Variants in HTT-AS observed in about 807,000 individuals in gnomAD.
HTT-AS encodes HTT antisense RNA (head to head).
chr4:3,047,013 TA>T (rs1352073984), downstream of HTT-AS, among the ~76,000 whole-genome samples: 2 of 152,028 alleles, frequency 1.3e-5, no homozygotes, highest in Non-Finnish European at 2.9e-5. Flanking sequence ...ATATATAGAA[TA>T]AGAATAGTTA....
chr4:3,047,204 G>C (rs900617913), downstream of HTT-AS, among the ~76,000 whole-genome samples: 2 of 152,170 alleles, frequency 1.3e-5, no homozygotes, highest in East Asian at 3.9e-4. Context: ...CCAGCTACTC[G>C]GGAGGCTGAG....
chr4:3,067,730 C>T (rs906971189), intron 1 of HTT-AS, among the ~76,000 whole-genome samples: 1 of 152,140 alleles, frequency 6.6e-6, no homozygotes, highest in African/African-American at 2.4e-5. Context: ...AAATCTTTCA[C>T]CGAGGGGGAT....
At chr4:3,049,059 G>A (rs1172756825), downstream of HTT-AS, among the ~76,000 whole-genome samples, 2 of 152,168 alleles carry the variant, frequency 1.3e-5, no homozygotes, top group East Asian at 3.8e-4. Context: ...TACCCCATAA[G>A]TGCACACAAC....
At chr4:3,057,150 C>T (rs1456820798) in intron 2 of HTT-AS, among the ~76,000 whole-genome samples, 26 of 152,236 alleles carry the variant, frequency 1.7e-4, no homozygotes, top group African/African-American at 5.8e-4. Context: ...ACTCCTGTCT[C>T]AGCCTCCCGA....
intron 1 of HTT-AS, among the ~76,000 whole-genome samples, chr4:3,071,643 A>G (rs1712176214): frequency 6.6e-6 from 1 of 152,154 alleles, no homozygotes; most frequent in South Asian, 2.1e-4. Flanking sequence ...TCCCTCATTC[A>G]GGTTGATGTC....
intron 2 of HTT-AS, among the ~76,000 whole-genome samples, chr4:3,053,280 C>T (rs1226448512): frequency 6.6e-6 from 1 of 152,198 alleles, no homozygotes; most frequent in Non-Finnish European, 1.5e-5. Flanking sequence ...CGCCTATAAT[C>T]CCAACACTTT....
intron 2 of HTT-AS, among the ~76,000 whole-genome samples, chr4:3,060,897 T>A (rs1044340951): frequency 9.2e-5 from 14 of 152,322 alleles, no homozygotes; most frequent in African/African-American, 2.4e-4. Context: ...CAACCAATCT[T>A]TGGGCCCTGT....
intron 1 of HTT-AS, among the ~76,000 whole-genome samples, chr4:3,069,211 T>C (rs1712116078): frequency 6.6e-6 from 1 of 151,556 alleles, no homozygotes; most frequent in African/African-American, 2.4e-5. Context: ...TGTGGTGTGA[T>C]CTTGGCTCAC....
At chr4:3,060,846 G>A (rs1711910331) in intron 2 of HTT-AS, among the ~76,000 whole-genome samples, 1 of 152,170 alleles carries the variant, frequency 6.6e-6, no homozygotes, top group African/African-American at 2.4e-5. Flanking sequence ...AGGGTAGGGT[G>A]GGCAGCTTCT....
intron 2 of HTT-AS, among the ~76,000 whole-genome samples, chr4:3,062,035 T>C (rs918534254): frequency 2.1e-5 from 3 of 145,948 alleles, no homozygotes; most frequent in African/African-American, 7.5e-5. Flanking sequence ...TATGCATCTA[T>C]CTCAGTGAGC....
intron 1 of HTT-AS, among the ~76,000 whole-genome samples, chr4:3,073,781 C>T (rs1423013937): frequency 6.6e-6 from 1 of 152,230 alleles, no homozygotes; most frequent in Non-Finnish European, 1.5e-5. Flanking sequence ...GCATTCTCTG[C>T]GCTCTGCGCA....
At chr4:3,071,982 T>A (rs1712184079) in intron 1 of HTT-AS, among the ~76,000 whole-genome samples, 1 of 152,202 alleles carries the variant, frequency 6.6e-6, no homozygotes, top group African/African-American at 2.4e-5. Context: ...AGTAAACAAA[T>A]ACAGTCATCT....
intron 2 of HTT-AS, among the ~76,000 whole-genome samples, chr4:3,049,918 A>T (rs1476853243): frequency 7.2e-6 from 1 of 138,166 alleles, no homozygotes; most frequent in African/African-American, 3.2e-5. Context: ...ACACACACAC[A>T]CACACACACA....
intron 1 of HTT-AS, among the ~76,000 whole-genome samples, chr4:3,064,624 C>G (rs897653145): frequency 1.3e-5 from 2 of 151,962 alleles, no homozygotes; most frequent in Admixed American, 1.3e-4. Context: ...AAAATAGAAG[C>G]CTAAATAGGA....
chr4:3,061,066 G>T (rs577012144), intron 2 of HTT-AS, among the ~76,000 whole-genome samples: 1 of 152,108 alleles, frequency 6.6e-6, no homozygotes, highest in African/African-American at 2.4e-5. Context: ...ACCCCACTCC[G>T]TGTGTATCTA....
At chr4:3,055,418 A>G (rs1247288427) in intron 2 of HTT-AS, among the ~76,000 whole-genome samples, 3 of 152,190 alleles carry the variant, frequency 2.0e-5, no homozygotes, top group Non-Finnish European at 4.4e-5. Flanking sequence ...TTACTTAGGT[A>G]AAATGTACCC....
intron 2 of HTT-AS, among the ~76,000 whole-genome samples, chr4:3,061,963 C>T (rs1268697484): frequency 1.1e-4 from 14 of 124,032 alleles, no homozygotes; most frequent in African/African-American, 4.4e-4. Flanking sequence ...GCCCGGACGA[C>T]AGGGCAAGAC....
chr4:3,060,582 A>G (rs1211356884), intron 2 of HTT-AS, among the ~76,000 whole-genome samples: 1 of 152,240 alleles, frequency 6.6e-6, no homozygotes, highest in East Asian at 1.9e-4. Context: ...TTTCTTTTCA[A>G]TGAAAAGCAG....
exon 2 of HTT-AS, among the ~76,000 whole-genome samples, chr4:3,062,863 A>C (rs767312246): frequency 6.6e-6 from 1 of 152,210 alleles, no homozygotes. Flanking sequence ...ATTGCAAGCC[A>C]TGGTTTTAAA....
Sources: gnomAD v4.1 joint callset for allele counts (sites outside exome capture counted in the v4.1 genomes callset) on GRCh38, gnomAD v4.1.1 for gene constraint, MANE v1.5 for transcripts, NCBI Gene and HGNC (gene_info 2026-07-23, HGNC 2026-07-21) for gene names.